The following ZNF652 variants were observed in gnomAD, a reference collection of about 807,000 sequenced individuals.
ZNF652 encodes zinc finger protein 652.
ZNF652 carries 16 observed loss-of-function variants against 45.2 expected under a neutral mutation model. That is an observed-to-expected ratio of 0.35 (90% CI 0.24 to 0.54). ZNF652 has a LOEUF of 0.54. Ranked by LOEUF, ZNF652 falls within the 20% of genes least tolerant of loss-of-function variation. The pLI, the probability that ZNF652 is intolerant of heterozygous loss-of-function variation, is 0.91. For synonymous variants in ZNF652, 250 were observed against 260.6 expected (o/e 0.96, Z 0.39); for missense variants, 614 against 765.6 (o/e 0.80, Z 2.34).
chr17:49,295,044 A>G lies in ZNF652; in HGVS notation c.*3369T>C, dbSNP rs1459253391. 6.6e-6 allele frequency: 1 copy of G among 152,116 alleles called. No individual in the cohort carries two copies. The highest frequency in any genetic ancestry group is 1.5e-5 in the Non-Finnish European group (1 of 68,030). 9.4% of individuals were successfully genotyped at this position (152,116 alleles called of 1,614,324 possible). On this transcript the variant is annotated 3_prime_UTR_variant, in exon 6 of 6. Transcript: ENST00000430262. ...CTTAAGCATGTTAAACGTGTTGCACATATATGTTTAAGGCTTAATCCTGCA... is the reference window on the plus strand; with the variant it reads ...CTTAAGCATGTTAAACGTGTTGCACGTATATGTTTAAGGCTTAATCCTGCA...
intron 1 of ZNF652, among the ~76,000 whole-genome samples, chr17:49,341,741 G>A (rs2070149128): frequency 6.6e-6 from 1 of 152,096 alleles, no homozygotes; most frequent in Non-Finnish European, 1.5e-5. Context: ...TTTTCTCTTG[G>A]TTATATTACA....
At chr17:49,331,776 C>T (rs1391503634) in intron 1 of ZNF652, among the ~76,000 whole-genome samples, 1 of 152,026 alleles carries the variant, frequency 6.6e-6, no homozygotes, top group African/African-American at 2.4e-5. Context: ...TTCTCATTAA[C>T]AAAAATTTTT....
chr17:49,350,536 C>T (rs1385713679), intron 1 of ZNF652, among the ~76,000 whole-genome samples: 3 of 73,076 alleles, frequency 4.1e-5, no homozygotes, highest in African/African-American at 1.2e-4. Flanking sequence ...TGAGAGACTC[C>T]GCCTCAAAAA....
At chr17:49,327,515 T>C (rs1480204371) in intron 1 of ZNF652, among the ~76,000 whole-genome samples, 1 of 151,372 alleles carries the variant, frequency 6.6e-6, no homozygotes, top group Non-Finnish European at 1.5e-5. Context: ...GCCTACTATG[T>C]GTTAGGTATT....
At chr17:49,360,446 T>C (rs987227945) in intron 1 of ZNF652, among the ~76,000 whole-genome samples, 3 of 152,124 alleles carry the variant, frequency 2.0e-5, no homozygotes, top group African/African-American at 7.2e-5. Context: ...TACTAACCAC[T>C]GAAGTCAGTT....
chr17:49,334,689 G>C (rs772588517), intron 1 of ZNF652, among the ~76,000 whole-genome samples: 5 of 151,312 alleles, frequency 3.3e-5, no homozygotes, highest in Admixed American at 6.6e-5. Context: ...TGAAGCAGGA[G>C]AATTGCTTGA....
chr17:49,321,634 A>T (rs1358543671), intron 1 of ZNF652, among the ~76,000 whole-genome samples: 1 of 152,072 alleles, frequency 6.6e-6, no homozygotes, highest in African/African-American at 2.4e-5. Context: ...AATTTGGCTT[A>T]TCCAAGCTGC....
intron 1 of ZNF652, among the ~76,000 whole-genome samples, chr17:49,356,209 TA>T: frequency 6.6e-6 from 1 of 151,548 alleles, no homozygotes. Context: ...AGGTGGATCA[TA>T]AGGACAGGAG....
chr17:49,333,326 G>A (rs2070044749), intron 1 of ZNF652, among the ~76,000 whole-genome samples: 1 of 149,758 alleles, frequency 6.7e-6, no homozygotes. Context: ...CAAAGTGCTG[G>A]GATTACAGGC....
At chr17:49,351,002 T>C (rs2070270208) in intron 1 of ZNF652, among the ~76,000 whole-genome samples, 1 of 20,530 alleles carries the variant, frequency 4.9e-5, no homozygotes, top group Non-Finnish European at 9.5e-5. Context: ...TATATATATA[T>C]ATATATATAT....
At chr17:49,326,851 A>T (rs972483290) in intron 1 of ZNF652, among the ~76,000 whole-genome samples, 1 of 152,210 alleles carries the variant, frequency 6.6e-6, no homozygotes, top group Non-Finnish European at 1.5e-5. Context: ...CAAGAAGAGC[A>T]ACGTCTGGAC....
chr17:49,305,771 G>C (rs1409089794), intron 5 of ZNF652, among the ~76,000 whole-genome samples: 1 of 151,938 alleles, frequency 6.6e-6, no homozygotes, highest in Non-Finnish European at 1.5e-5. Flanking sequence ...AGAATCAGTA[G>C]GTATTCTATT....
At chr17:49,302,797 A>G (rs1270616736) in intron 5 of ZNF652, among the ~76,000 whole-genome samples, 1 of 151,818 alleles carries the variant, frequency 6.6e-6, no homozygotes, top group African/African-American at 2.4e-5. Context: ...CTCCATCTCT[A>G]CTAAAAATAC....
intron 1 of ZNF652, among the ~76,000 whole-genome samples, chr17:49,349,133 T>A (rs1424560839): frequency 1.3e-5 from 2 of 152,310 alleles, no homozygotes; most frequent in African/African-American, 4.8e-5. Flanking sequence ...AAGGAATTAC[T>A]CAATTTAATG....
chr17:49,324,331 TG>T (rs1436200859), intron 1 of ZNF652, among the ~76,000 whole-genome samples: 4 of 152,242 alleles, frequency 2.6e-5, no homozygotes, highest in Non-Finnish European at 4.4e-5. Flanking sequence ...GTGTTTGGCT[TG>T]ATCTTCCATC....
chr17:49,334,471 G>A (rs2070059392), intron 1 of ZNF652, among the ~76,000 whole-genome samples: 1 of 151,940 alleles, frequency 6.6e-6, no homozygotes, highest in Non-Finnish European at 1.5e-5. Flanking sequence ...GCAACAGAGT[G>A]AGACCCTGTC....
At chr17:49,334,437 T>C (rs888206953) in intron 1 of ZNF652, among the ~76,000 whole-genome samples, 1 of 151,982 alleles carries the variant, frequency 6.6e-6, no homozygotes, top group South Asian at 2.1e-4. Context: ...TGAGCCATGA[T>C]CATTCCACTA....
intron 1 of ZNF652, among the ~76,000 whole-genome samples, chr17:49,340,256 G>C (rs1269968518): frequency 1.3e-5 from 2 of 151,880 alleles, no homozygotes; most frequent in Non-Finnish European, 2.9e-5. Context: ...CTCTACCAGA[G>C]ATAGAAAAAT....
intron 1 of ZNF652, among the ~76,000 whole-genome samples, chr17:49,327,735 AT>A (rs2069971820): frequency 9.8e-3 from 48 of 4,902 alleles, no homozygotes; most frequent in Admixed American, 0.02. Flanking sequence ...AAATAAATAT[AT>A]ATATATATAT....
Sources: gnomAD v4.1 joint callset for allele counts (sites outside exome capture counted in the v4.1 genomes callset) on GRCh38, gnomAD v4.1.1 for gene constraint, MANE v1.5 for transcripts, NCBI Gene and HGNC (gene_info 2026-07-23, HGNC 2026-07-21) for gene names.